Variants in CPAMD8 observed in about 807,000 individuals in gnomAD.
The protein encoded by CPAMD8 is C3 and PZP-like alpha-2-macroglobulin domain-containing protein 8.
A neutral mutation model predicts 224.7 loss-of-function variants in CPAMD8; 146 were observed. The ratio of observed to expected loss-of-function variants is 0.65; its 90% CI spans 0.57 to 0.75. The LOEUF is 0.75. Ranked by LOEUF, CPAMD8 falls within the 30% of genes least tolerant of loss-of-function variation. The pLI is 0.00. For synonymous variants in CPAMD8, 966 were observed against 1,044.6 expected (o/e 0.92, Z 1.45); for missense variants, 2,301 against 2,537.5 (o/e 0.91, Z 2.00).
At chr19:17,009,224 G>A in intron 6 of CPAMD8, 79 bp downstream of exon 6, 2 of 1,612,262 alleles carry the variant, frequency 1.2e-6, no homozygotes, top group Non-Finnish European at 1.7e-6. Flanking sequence ...CAGACAGTGA[G>A]CGAAGACAGA....
At chr19:16,944,690 C>T (rs1002382026) in intron 22 of CPAMD8, among the ~76,000 whole-genome samples, 8 of 152,172 alleles carry the variant, frequency 5.3e-5, no homozygotes, top group Non-Finnish European at 7.3e-5. Flanking sequence ...CCAAGGAATC[C>T]ATCACATCAC....
intron 7 of CPAMD8, among the ~76,000 whole-genome samples, chr19:17,004,821 C>A (rs1244175539): frequency 6.6e-6 from 1 of 152,160 alleles, no homozygotes; most frequent in Non-Finnish European, 1.5e-5. Flanking sequence ...AGCAGCACCC[C>A]TGGCCTCCAC....
At chr19:16,904,094 C>A in intron 32 of CPAMD8, 132 bp downstream of exon 32, 1 of 1,098,274 alleles carries the variant, frequency 9.1e-7, no homozygotes, top group South Asian at 1.5e-5. Flanking sequence ...CACCCCCAAC[C>A]CCTGCCCTCT....
intron 22 of CPAMD8, among the ~76,000 whole-genome samples, chr19:16,940,840 C>T (rs767997482): frequency 1.3e-5 from 2 of 152,250 alleles, no homozygotes; most frequent in African/African-American, 2.4e-5. Flanking sequence ...TTGCTTAGGC[C>T]TCAGTAACCC....
chr19:17,004,636 G>A (rs567127344), intron 7 of CPAMD8, among the ~76,000 whole-genome samples: 27 of 152,234 alleles, frequency 1.8e-4, no homozygotes, highest in African/African-American at 6.0e-4. Flanking sequence ...TCCCGGGACA[G>A]CCTTGCAGCC....
chr19:16,940,254 G>A (rs899370825), intron 22 of CPAMD8, among the ~76,000 whole-genome samples: 4 of 152,130 alleles, frequency 2.6e-5, no homozygotes, highest in South Asian at 2.1e-4. Context: ...TAAACTTCTC[G>A]GCTTCCATAA....
intron 3 of CPAMD8, among the ~76,000 whole-genome samples, chr19:17,017,191 T>C (rs767794215): frequency 1.3e-5 from 2 of 152,202 alleles, no homozygotes; most frequent in Non-Finnish European, 2.9e-5. Flanking sequence ...ATGCTCTTTA[T>C]GACAATCTAA....
intron 7 of CPAMD8, 44 bp from the exon 8 acceptor site, chr19:17,004,430 A>G: frequency 7.7e-7 from 1 of 1,303,506 alleles, no homozygotes; most frequent in Non-Finnish European, 1.1e-6. Context: ...AGAGCCACAG[A>G]CACGGTGAGG....
chr19:16,988,864 G>A (rs111978658), intron 13 of CPAMD8, among the ~76,000 whole-genome samples: 3,378 of 152,156 alleles, frequency 0.022, 58 homozygotes, highest in Middle Eastern at 0.054. Context: ...ACAGCCGCTC[G>A]CATCACTCAT....
chr19:16,992,522 G>T (rs1244754217), intron 12 of CPAMD8, among the ~76,000 whole-genome samples: 2 of 152,074 alleles, frequency 1.3e-5, no homozygotes, highest in African/African-American at 2.4e-5. Context: ...CGCAATCTTG[G>T]CTCGCTGCGA....
At chr19:16,923,910 C>T (rs149056925) in intron 26 of CPAMD8, among the ~76,000 whole-genome samples, 17 of 151,938 alleles carry the variant, frequency 1.1e-4, no homozygotes, top group African/African-American at 4.1e-4. Flanking sequence ...GAGCTATGAT[C>T]GCACCATTGC....
At chr19:16,956,010 A>T (rs754229083) in intron 19 of CPAMD8, among the ~76,000 whole-genome samples, 1 of 152,116 alleles carries the variant, frequency 6.6e-6, no homozygotes, top group African/African-American at 2.4e-5. Context: ...AGAGTTGACC[A>T]GTCCTCTTTT....
chr19:17,020,100 G>A lies in CPAMD8; in HGVS notation c.267+231C>T, dbSNP rs1284689554. On this transcript the variant is annotated intron_variant, in intron 3 of 41. Transcript: ENST00000443236. Reference sequence around the variant, plus strand: ...AGCGATTCTCCTGCCTCAGCCTCCCGAGTAGCTGGGATTACAGGCATGTGC... The same window carrying A: ...AGCGATTCTCCTGCCTCAGCCTCCCAAGTAGCTGGGATTACAGGCATGTGC... 2.7e-5 allele frequency among the ~76,000 whole-genome samples: 4 copies of A among 150,252 alleles called. No individual in the cohort carries two copies. In the South Asian group the frequency reaches 6.3e-4, roughly 24 times the overall value.
In CPAMD8 at chr19:16,896,505, G is replaced by A. The variant is rs1380807827; in HGVS notation, c.5226C>T (p.Cys1742=). ...CGGGCTCCAGGGGCGCGGCCTGGCG[G>A]CAGGCGGCCTCCCGCAGGCGGCAGG... ...ASACRLREAA[C]RQAAPLEPAP... is the part of the protein sequence containing the mutation. The change falls in exon 40 of 42, where the codon TGC becomes TGT. Residue 1742 remains cysteine (C), a synonymous_variant. Transcript: ENST00000443236. 2.1e-6 allele frequency: 3 copies of A among 1,428,282 alleles called. No individual in the cohort carries two copies. Among genetic ancestry groups the A allele is most frequent in the Non-Finnish European group, 2.7e-6 (3 of 1,102,794 alleles). The allele number at this position is 1,428,282 out of a possible 1,614,324, so 88.5% of individuals were successfully genotyped here.
intron 21 of CPAMD8, among the ~76,000 whole-genome samples, chr19:16,946,001 A>G (rs560653351): frequency 2.6e-4 from 40 of 152,002 alleles, no homozygotes; most frequent in Admixed American, 2.0e-3. Flanking sequence ...GTGTGTGCAT[A>G]TGCATGTGTG....
Position 16,907,071 on chromosome 19 carries a change from G to T in CPAMD8, c.3908C>A (p.Ala1303Asp). ...TDKARHFLESAAPLAMDPYSC... is the reference protein window; with the variant it reads ...TDKARHFLESDAPLAMDPYSC... ...ATAAGGGTCCATGGCCAGGGGCGCA[G>T]CAGACTCCAGGAAGTGCCTCGCTTT... is the stretch of plus-strand genomic sequence containing the variant. Residue 1303 changes from alanine to aspartate, a missense_variant, in exon 30 of 42, where the codon GCT (alanine) becomes GAT (aspartate). By Grantham distance (126) the Ala-to-Asp change is moderately radical. This residue lies in a region of CPAMD8 where 1,709 missense variants were observed against 1,753.2 expected (regional missense o/e 0.97). Coordinates refer to ENST00000443236, the MANE Select transcript of CPAMD8 (RefSeq NM_015692.5). The T allele has an allele frequency of 1.9e-6, 3 of 1,597,214 alleles. No homozygotes were observed. The highest frequency in any genetic ancestry group is 2.6e-6 in the Non-Finnish European group (3 of 1,171,502).
rs751184374 is a variant in CPAMD8 at position 16,914,457 on chromosome 19, C to T, written c.3828G>A (p.Val1276=). 2 of 1,614,218 alleles carry T rather than the reference C, an allele frequency of 1.2e-6. No homozygotes were observed. Among genetic ancestry groups the T allele is most frequent in the Admixed American group, 3.3e-5 (2 of 60,036 alleles). Residue 1276 remains valine (V), a synonymous_variant, in exon 29 of 42, where the codon GTG becomes GTA. Coordinates refer to ENST00000443236, the MANE Select transcript of CPAMD8 (RefSeq NM_015692.5). ...CTGTGCCTGTTTCCAGGAGAGCAAC[C>T]ACCACGTAGGCTGTCAGCGGGACAG... is the stretch of plus-strand genomic sequence containing the variant. ...HGTVPLTAYV[V]VALLETGTAS... is the part of the protein sequence containing the mutation.
In CPAMD8 at chr19:17,022,029, C is replaced by G; in HGVS notation, c.244+1G>C. 6.2e-7 allele frequency: 1 copy of G among 1,600,734 alleles called. No homozygotes were observed. Among genetic ancestry groups the G allele is most frequent in the Non-Finnish European group, 8.5e-7 (1 of 1,173,872 alleles). ...CCTGGTCTGGCACCCAAGGGACCTACCCAGGATGGCTCCCTGGCTCTGCAC... is the reference window on the plus strand; with the variant it reads ...CCTGGTCTGGCACCCAAGGGACCTAGCCAGGATGGCTCCCTGGCTCTGCAC... On this transcript the variant is annotated splice_donor_variant, in intron 2 of 41. Coordinates refer to ENST00000443236, the MANE Select transcript of CPAMD8 (RefSeq NM_015692.5). LOFTEE classifies it high-confidence loss of function.
At chr19:16,918,074 C>A (rs2053028868) in intron 27 of CPAMD8, among the ~76,000 whole-genome samples, 1 of 151,778 alleles carries the variant, frequency 6.6e-6, no homozygotes, top group Non-Finnish European at 1.5e-5. Context: ...CGGCTCACTG[C>A]AATCTCTGCC....
Sources: allele counts gnomAD v4.1 joint callset (sites outside exome capture counted in the v4.1 genomes callset), GRCh38; gene constraint gnomAD v4.1.1; regional missense constraint gnomAD v4.1.1; transcripts MANE v1.5; gene names NCBI Gene and HGNC (gene_info 2026-07-23, HGNC 2026-07-21).